Variants in CDH13 observed in about 807,000 individuals in gnomAD.
The protein encoded by CDH13 is cadherin-13.
In CDH13, 24 loss-of-function variants were observed where a neutral mutation model predicts 63.8. The observed-to-expected ratio is 0.38, with a 90% CI of 0.27 to 0.53. CDH13 has a LOEUF of 0.53. Ranked by LOEUF, CDH13 falls within the 20% of genes least tolerant of loss-of-function variation. CDH13 has a pLI of 0.85. For missense variants in CDH13, 1,049 were observed against 903.1 expected, an observed-to-expected ratio of 1.16 and a Z score of -2.07; for synonymous variants, 503 against 355.3, an observed-to-expected ratio of 1.42 and a Z score of -4.67.
At position 82,944,073 on chromosome 16, in the gene CDH13, G is replaced by T. The variant is rs2151313011; in HGVS notation, c.157+85600G>T. ...TAATGTCTCTTGATCTCCAGCCTTAGGAAATAACCCAATTCATTACTCAGC... is the reference window on the plus strand; with the variant it reads ...TAATGTCTCTTGATCTCCAGCCTTATGAAATAACCCAATTCATTACTCAGC... On this transcript the variant is annotated intron_variant, in intron 2 of 13. Coordinates refer to ENST00000567109, the MANE Select transcript of CDH13 (RefSeq NM_001257.5). Among the ~76,000 whole-genome samples the T allele has an allele frequency of 1.3e-5, 2 of 152,212 alleles. 1 individual carries two copies. The highest frequency in any genetic ancestry group is 4.2e-4 in the South Asian group (2 of 4,818).
At chr16:83,026,888 C>T (rs976349108) in intron 2 of CDH13, among the ~76,000 whole-genome samples, 1 of 152,166 alleles carries the variant, frequency 6.6e-6, no homozygotes, top group Non-Finnish European at 1.5e-5. Flanking sequence ...CCTCTGACTT[C>T]ACCAATGAGC....
At chr16:82,839,315 T>C (rs2038909684) in intron 1 of CDH13, among the ~76,000 whole-genome samples, 2 of 152,234 alleles carry the variant, frequency 1.3e-5, no homozygotes, top group Non-Finnish European at 2.9e-5. Context: ...CCATTATTAC[T>C]GGCATGTTGC....
chr16:82,997,257 T>C (rs72792157), intron 2 of CDH13, among the ~76,000 whole-genome samples: 18,333 of 152,006 alleles, frequency 0.12, 1,374 homozygotes, highest in East Asian at 0.19. Context: ...CTAGGCTAGA[T>C]ATTGTGCTAA....
rs992591509 is a variant in CDH13, at chr16:83,540,873, G to A, written c.960+54218G>A. Among the ~76,000 whole-genome samples, 10 of 152,170 alleles carry A rather than the reference G, an allele frequency of 6.6e-5. No homozygotes were observed. The East Asian group carries it at 7.7e-4, about 12-fold the overall frequency. ...TTGATCTCCCAACCTCAAATGATCCGCCCGCCTCAGCCTCCCAAAGTGCTG... is the reference window on the plus strand; with the variant it reads ...TTGATCTCCCAACCTCAAATGATCCACCCGCCTCAGCCTCCCAAAGTGCTG... On this transcript the variant is annotated intron_variant, in intron 7 of 13. Coordinates refer to ENST00000567109, the MANE Select transcript of CDH13 (RefSeq NM_001257.5).
chr16:83,442,103 C>G (rs956075225), intron 6 of CDH13, among the ~76,000 whole-genome samples: 3 of 152,142 alleles, frequency 2.0e-5, no homozygotes, highest in Non-Finnish European at 4.4e-5. Flanking sequence ...CACAGGCCAA[C>G]TCTGACGCAA....
At chr16:82,912,342 C>G (rs553036036) in intron 2 of CDH13, among the ~76,000 whole-genome samples, 9 of 152,322 alleles carry the variant, frequency 5.9e-5, no homozygotes, top group Admixed American at 5.2e-4. Context: ...CTTTCCTGCT[C>G]CATTCTAAAC....
intron 1 of CDH13, among the ~76,000 whole-genome samples, chr16:82,635,707 T>A (rs76957919): frequency 3.3e-3 from 503 of 152,160 alleles, no homozygotes; most frequent in Non-Finnish European, 5.4e-3. Flanking sequence ...GGCAGGTGAT[T>A]GAAGTAGACT....
In CDH13 at chr16:83,564,758, C is replaced by T. The variant is rs538053473; in HGVS notation, c.961-37696C>T. ...AAAAAGGTAAGAATAATGACTGATACATTCAGGGATCAGGGATAGTCTGTG... is the reference window on the plus strand; with the variant it reads ...AAAAAGGTAAGAATAATGACTGATATATTCAGGGATCAGGGATAGTCTGTG... On this transcript the variant is annotated intron_variant, in intron 7 of 13. Transcript: ENST00000567109. Among the ~76,000 whole-genome samples, 5 of 152,224 alleles carry T rather than the reference C, an allele frequency of 3.3e-5. No homozygotes were observed. The South Asian group carries it at 8.3e-4, about 25-fold the overall frequency.
intron 7 of CDH13, among the ~76,000 whole-genome samples, chr16:83,579,421 T>C (rs1905340778): frequency 6.6e-6 from 1 of 152,146 alleles, no homozygotes; most frequent in Non-Finnish European, 1.5e-5. Flanking sequence ...CTTACAATTA[T>C]GGCAGAAGGT....
At chr16:83,353,318 G>T (rs2151377644) in intron 6 of CDH13, among the ~76,000 whole-genome samples, 1 of 152,324 alleles carries the variant, frequency 6.6e-6, no homozygotes, top group African/African-American at 2.4e-5. Flanking sequence ...AAGACAGTCG[G>T]CTCCCTTGTC....
chr16:82,800,138 AT>A (rs1166931696), intron 1 of CDH13, among the ~76,000 whole-genome samples: 3 of 152,270 alleles, frequency 2.0e-5, no homozygotes, highest in East Asian at 1.9e-4. Flanking sequence ...GTCAATAAGC[AT>A]TTTTTTAAAG....
intron 7 of CDH13, among the ~76,000 whole-genome samples, chr16:83,581,808 G>C (rs1199002784): frequency 6.6e-6 from 1 of 152,116 alleles, no homozygotes; most frequent in African/African-American, 2.4e-5. Context: ...AACAGAGCAA[G>C]ACCCTGTCTC....
chr16:83,223,045 T>C (rs111540771), intron 5 of CDH13, among the ~76,000 whole-genome samples: 94 of 136,572 alleles, frequency 6.9e-4, no homozygotes, highest in African/African-American at 1.8e-3. Flanking sequence ...TCTGCTGATA[T>C]TGCCAGTTGT....
rs753046992 is a variant in CDH13 at position 83,780,125 on chromosome 16, G to A, written c.1839G>A (p.Pro613=). The A allele has an allele frequency of 9.9e-6, 16 of 1,613,194 alleles. No individual in the cohort carries two copies. Among genetic ancestry groups the A allele is most frequent in the Middle Eastern group, 1.6e-4 (1 of 6,084 alleles). ...ILGASDKDLH[P]NTDPFKFEIH... ...GAGCATCAGATAAGGATCTTCACCC[G>A]AATACAGATCCTTTCAAATTTGAAA... Residue 613 remains proline, a synonymous_variant, in exon 12 of 14, where the codon CCG becomes CCA. Transcript: ENST00000567109.
chr16:83,377,023 G>A (rs1352444868), intron 6 of CDH13, among the ~76,000 whole-genome samples: 2 of 152,148 alleles, frequency 1.3e-5, no homozygotes, highest in Non-Finnish European at 2.9e-5. Flanking sequence ...TCAAGGAGGA[G>A]TGAAGCACTA....
intron 3 of CDH13, among the ~76,000 whole-genome samples, chr16:83,099,866 G>A (rs1445795268): frequency 1.3e-5 from 2 of 152,150 alleles, no homozygotes; most frequent in African/African-American, 2.4e-5. Flanking sequence ...AGAGTGAGGA[G>A]GTGGTACTGT....
At chr16:83,436,812 A>G (rs920660101) in intron 6 of CDH13, among the ~76,000 whole-genome samples, 3 of 152,196 alleles carry the variant, frequency 2.0e-5, no homozygotes, top group African/African-American at 7.2e-5. Flanking sequence ...GATTTAGACC[A>G]CAGCTCAGTT....
intron 11 of CDH13, among the ~76,000 whole-genome samples, chr16:83,753,575 T>A (rs189234389): frequency 2.4e-4 from 37 of 152,276 alleles, no homozygotes; most frequent in African/African-American, 8.9e-4. Context: ...CTAACTGATC[T>A]CTCAACTTTA....
chr16:83,122,722 A>G (rs949143857), intron 3 of CDH13, among the ~76,000 whole-genome samples: 6 of 152,322 alleles, frequency 3.9e-5, no homozygotes, highest in African/African-American at 1.4e-4. Context: ...TTAACAAAGT[A>G]TAACCATTTT....
Sources: allele counts gnomAD v4.1 joint callset (sites outside exome capture counted in the v4.1 genomes callset), GRCh38; gene constraint gnomAD v4.1.1; transcripts MANE v1.5; gene names NCBI Gene and HGNC (gene_info 2026-07-23, HGNC 2026-07-21).